The following TMEM132D variants were observed in gnomAD, a reference collection of about 807,000 sequenced individuals.
TMEM132D encodes the protein mature OL transmembrane protein.
TMEM132D carries 21 observed loss-of-function variants against 62.3 expected under a neutral mutation model. The observed-to-expected ratio is 0.34, with a 90% CI of 0.24 to 0.49. The LOEUF (loss-of-function observed/expected upper bound fraction) is 0.49. Among genes scored for constraint, TMEM132D ranks in the 20% least tolerant of loss-of-function variants. The pLI, the probability that TMEM132D is intolerant of heterozygous loss-of-function variation, is 0.99. For missense variants in TMEM132D, 1,346 were observed against 1,402.8 expected, an observed-to-expected ratio of 0.96 and a Z score of 0.65; for synonymous variants, 621 against 575.6, an observed-to-expected ratio of 1.08 and a Z score of -1.13.
At chr12:129,326,665 C>T (rs1868922720) in intron 4 of TMEM132D, among the ~76,000 whole-genome samples, 1 of 152,170 alleles carries the variant, frequency 6.6e-6, no homozygotes, top group Non-Finnish European at 1.5e-5. Context: ...CCTGTCCCTT[C>T]ACAGAAAGTG....
In TMEM132D at chr12:129,486,014, C is replaced by T. The variant is rs1002773756; in HGVS notation, c.1115+45045G>A. ...TGATGTCCAACAGCGAGAGCTGCTTCTCCTGCCTCAGGGCTTCCTGTTGAT... is the reference window on the plus strand; with the variant it reads ...TGATGTCCAACAGCGAGAGCTGCTTTTCCTGCCTCAGGGCTTCCTGTTGAT... On this transcript the variant is annotated intron_variant, in intron 3 of 8. Transcript: ENST00000422113. Among the ~76,000 whole-genome samples the T allele has an allele frequency of 3.3e-5, 5 of 152,370 alleles. No individual in the cohort carries two copies. The East Asian group carries it at 9.6e-4, about 29-fold the overall frequency.
intron 2 of TMEM132D, among the ~76,000 whole-genome samples, chr12:129,678,980 G>A (rs1336387042): frequency 1.3e-5 from 2 of 151,628 alleles, no homozygotes; most frequent in Non-Finnish European, 2.9e-5. Flanking sequence ...TTTATCTATT[G>A]TATTCCAGTA....
At chr12:129,271,197 A>AT (rs1566018091) in intron 4 of TMEM132D, among the ~76,000 whole-genome samples, 1 of 151,728 alleles carries the variant, frequency 6.6e-6, no homozygotes, top group African/African-American at 2.4e-5. Flanking sequence ...ATTTGTTAGG[A>AT]AAAAAAATAA....
intron 2 of TMEM132D, among the ~76,000 whole-genome samples, chr12:129,595,439 G>A (rs55972133): frequency 0.059 from 8,950 of 152,266 alleles, 384 homozygotes; most frequent in South Asian, 0.11. Context: ...AAGAGGTGTC[G>A]TAGCTTGAAA....
intron 3 of TMEM132D, among the ~76,000 whole-genome samples, chr12:129,513,679 G>T (rs1162327884): frequency 6.6e-6 from 1 of 151,150 alleles, no homozygotes. Context: ...TAGAGACGGG[G>T]TTTCACCGTG....
At chr12:129,395,485 T>C (rs562234976) in intron 3 of TMEM132D, among the ~76,000 whole-genome samples, 2 of 152,246 alleles carry the variant, frequency 1.3e-5, no homozygotes, top group African/African-American at 4.8e-5. Flanking sequence ...TGTAATGTTC[T>C]TATGGAGATT....
At chr12:129,785,209 A>G (rs36029850) in intron 1 of TMEM132D, among the ~76,000 whole-genome samples, 16,978 of 152,168 alleles carry the variant, frequency 0.11, 1,216 homozygotes, top group East Asian at 0.2. Flanking sequence ...CCAAGCAGAC[A>G]GCGCCCTGGC....
intron 7 of TMEM132D, among the ~76,000 whole-genome samples, chr12:129,081,362 G>A (rs554426688): frequency 2.4e-4 from 36 of 152,270 alleles, no homozygotes; most frequent in Middle Eastern, 3.4e-3. Context: ...GTAGTGGCAC[G>A]ATCTCAGATC....
chr12:129,315,126 G>T (rs573547166), intron 4 of TMEM132D, among the ~76,000 whole-genome samples: 1 of 152,172 alleles, frequency 6.6e-6, no homozygotes, highest in South Asian at 2.1e-4. Context: ...CCAGTTGGAT[G>T]CCCTTTATTT....
At chr12:129,273,046 A>G (rs1880897507) in intron 4 of TMEM132D, among the ~76,000 whole-genome samples, 1 of 151,770 alleles carries the variant, frequency 6.6e-6, no homozygotes, top group South Asian at 2.1e-4. Context: ...AAATACAAAA[A>G]TTAGCTGGGT....
At chr12:129,409,894 C>A (rs1257145482) in intron 3 of TMEM132D, among the ~76,000 whole-genome samples, 1 of 152,194 alleles carries the variant, frequency 6.6e-6, no homozygotes, top group Non-Finnish European at 1.5e-5. Flanking sequence ...GCAGACATAG[C>A]AGAGACTCTG....
rs533529833 is a variant in TMEM132D, at chr12:129,299,860, C to T, written c.1299+37774G>A. ...AAGTTAAACAGGTCTCTTCAATGAA[C>T]CATGCTGGACTGAATCCTTTCCAAT... On this transcript the variant is annotated intron_variant, in intron 4 of 8. Transcript: ENST00000422113. Among the ~76,000 whole-genome samples, 3 of 152,306 alleles carry T rather than the reference C, an allele frequency of 2.0e-5. No individual in the cohort carries two copies. The East Asian group carries it at 5.8e-4, about 29-fold the overall frequency.
In TMEM132D at chr12:129,368,589, A is replaced by T. The variant is rs747216827; in HGVS notation, c.1116-30772T>A. ...TTCTGAACTGTTACTTATTATTATTATTTTTTTTACACTCCACCATACAGA... is the reference window on the plus strand; with the variant it reads ...TTCTGAACTGTTACTTATTATTATTTTTTTTTTTACACTCCACCATACAGA... On this transcript the variant is annotated intron_variant, in intron 3 of 8. Transcript: ENST00000422113. 2.7e-4 allele frequency among the ~76,000 whole-genome samples: 41 copies of T among 150,840 alleles called. 1 individual carries two copies. Among genetic ancestry groups the T allele is most frequent in the Non-Finnish European group, 4.1e-4 (28 of 67,784 alleles).
chr12:129,151,640 A>G (rs973729397), intron 5 of TMEM132D, among the ~76,000 whole-genome samples: 1 of 152,184 alleles, frequency 6.6e-6, no homozygotes, highest in Non-Finnish European at 1.5e-5. Flanking sequence ...CATCTCCCCA[A>G]GGACTCCATC....
chr12:129,077,662 A>G (rs1172128057), intron 8 of TMEM132D, among the ~76,000 whole-genome samples: 2 of 151,958 alleles, frequency 1.3e-5, no homozygotes, highest in Non-Finnish European at 2.9e-5. Context: ...ACACACATAA[A>G]GCAAAAACAT....
At chr12:129,774,235 A>T (rs1870848256) in intron 1 of TMEM132D, among the ~76,000 whole-genome samples, 1 of 152,184 alleles carries the variant, frequency 6.6e-6, no homozygotes, top group African/African-American at 2.4e-5. Context: ...GTACATGGCC[A>T]TTAGGATACA....
intron 3 of TMEM132D, among the ~76,000 whole-genome samples, chr12:129,380,103 T>A (rs768574241): frequency 3.3e-5 from 5 of 152,166 alleles, no homozygotes; most frequent in Non-Finnish European, 7.3e-5. Context: ...TTATTGGTGA[T>A]CAAAGTAACA....
chr12:129,201,391 G>T (rs1031857665), intron 5 of TMEM132D, among the ~76,000 whole-genome samples: 8 of 152,158 alleles, frequency 5.3e-5, no homozygotes, highest in African/African-American at 1.4e-4. Flanking sequence ...GGCTGCAGGG[G>T]ACATGGGTTG....
chr12:129,187,587 G>T (rs1331843274), intron 5 of TMEM132D, among the ~76,000 whole-genome samples: 1 of 128,868 alleles, frequency 7.8e-6, no homozygotes, highest in Non-Finnish European at 1.7e-5. Context: ...TTTTCAAATT[G>T]TAATGGACCC....
Sources: allele counts gnomAD v4.1 joint callset (sites outside exome capture counted in the v4.1 genomes callset), GRCh38; gene constraint gnomAD v4.1.1; transcripts MANE v1.5; gene names NCBI Gene and HGNC (gene_info 2026-07-23, HGNC 2026-07-21).